The following PID1 variants were observed in gnomAD, a reference collection of about 807,000 sequenced individuals.
PID1 encodes the protein PTB-containing, cubilin and LRP1-interacting protein.
PID1 carries 10 observed loss-of-function variants against 19.1 expected under a neutral mutation model. The observed-to-expected ratio is 0.52, with a 90% CI of 0.32 to 0.89. PID1 has a LOEUF of 0.89. Among genes scored for constraint, PID1 ranks in the 40% least tolerant of loss-of-function variants. PID1 has a pLI of 0.03. For synonymous variants in PID1, 130 were observed against 116.0 expected (o/e 1.12, Z -0.78); for missense variants, 248 against 285.3 (o/e 0.87, Z 0.94).
At chr2:229,234,693 G>C (rs917981637) in intron 1 of PID1, among the ~76,000 whole-genome samples, 1 of 152,134 alleles carries the variant, frequency 6.6e-6, no homozygotes, top group Non-Finnish European at 1.5e-5. Context: ...ATTAGGGTGA[G>C]AATGGGGGGC....
chr2:229,029,829 C>T (rs1305804589), intron 2 of PID1, among the ~76,000 whole-genome samples: 1 of 132,996 alleles, frequency 7.5e-6, no homozygotes, highest in Non-Finnish European at 1.6e-5. Context: ...GACAGAGTGA[C>T]ACTCCGTCTC....
chr2:229,232,837 GTA>G (rs1692244635), intron 1 of PID1, among the ~76,000 whole-genome samples: 2 of 149,038 alleles, frequency 1.3e-5, no homozygotes, highest in African/African-American at 4.9e-5. Context: ...ACATGCATGT[GTA>G]TGTGTGTGTG....
At chr2:229,177,300 C>T (rs923819747) in intron 1 of PID1, among the ~76,000 whole-genome samples, 2 of 151,956 alleles carry the variant, frequency 1.3e-5, no homozygotes, top group African/African-American at 2.4e-5. Context: ...TAGATGGGGA[C>T]GATTATATAT....
chr2:229,113,391 T>A (rs1695337237), intron 2 of PID1, among the ~76,000 whole-genome samples: 1 of 143,478 alleles, frequency 7.0e-6, no homozygotes, highest in African/African-American at 2.7e-5. Flanking sequence ...ATTTTTTATA[T>A]ATATTTATAT....
intron 1 of PID1, among the ~76,000 whole-genome samples, chr2:229,197,837 T>A (rs1691409953): frequency 6.6e-6 from 1 of 152,060 alleles, no homozygotes. Context: ...TATTGGGTCA[T>A]CATAATTTTC....
At chr2:229,053,838 C>T (rs577192093) in intron 2 of PID1, among the ~76,000 whole-genome samples, 232 of 152,258 alleles carry the variant, frequency 1.5e-3, no homozygotes, top group Admixed American at 2.2e-3. Context: ...AGGGAGAGCC[C>T]AATCAGTCAA....
chr2:229,121,725 T>C (rs1341136075), intron 2 of PID1, among the ~76,000 whole-genome samples: 1 of 152,164 alleles, frequency 6.6e-6, no homozygotes, highest in Non-Finnish European at 1.5e-5. Context: ...GAGGTATTTG[T>C]TTATTCATTC....
intron 1 of PID1, among the ~76,000 whole-genome samples, chr2:229,237,940 CT>C (rs993160916): frequency 6.6e-6 from 1 of 152,118 alleles, no homozygotes; most frequent in Non-Finnish European, 1.5e-5. Flanking sequence ...TAATGTTCTT[CT>C]TTTACTCTCC....
At chr2:229,099,016 G>A (rs564551383) in intron 2 of PID1, among the ~76,000 whole-genome samples, 1 of 152,088 alleles carries the variant, frequency 6.6e-6, no homozygotes, top group East Asian at 1.9e-4. Context: ...AGAGGATCAC[G>A]CCTGGCCAAG....
intron 1 of PID1, among the ~76,000 whole-genome samples, chr2:229,258,589 A>G (rs1363275686): frequency 6.6e-6 from 1 of 152,068 alleles, no homozygotes; most frequent in Admixed American, 6.5e-5. Flanking sequence ...TTGACAGATA[A>G]TAAGCTGCAC....
At chr2:229,045,130 T>C (rs570965435) in intron 2 of PID1, among the ~76,000 whole-genome samples, 45 of 152,206 alleles carry the variant, frequency 3.0e-4, no homozygotes, top group African/African-American at 1.0e-3. Context: ...ATTTTTGTAT[T>C]TTTAGTAGAG....
chr2:229,243,557 G>C (rs1689928615), intron 1 of PID1, among the ~76,000 whole-genome samples: 1 of 152,050 alleles, frequency 6.6e-6, no homozygotes, highest in African/African-American at 2.4e-5. Context: ...CTCAGAGTAG[G>C]TGCTCAAGAA....
chr2:229,167,983 A>G (rs1253052904), intron 1 of PID1, among the ~76,000 whole-genome samples: 7 of 152,190 alleles, frequency 4.6e-5, no homozygotes, highest in Non-Finnish European at 1.5e-5. Context: ...TGCAGCTACT[A>G]TTCCAGTGTA....
At chr2:229,213,256 G>A (rs1259903628) in intron 1 of PID1, among the ~76,000 whole-genome samples, 2 of 152,088 alleles carry the variant, frequency 1.3e-5, no homozygotes, top group East Asian at 3.9e-4. Context: ...GCAGAGCATA[G>A]GGCCCAGCAC....
intron 1 of PID1, among the ~76,000 whole-genome samples, chr2:229,159,616 T>C (rs905877068): frequency 1.3e-5 from 2 of 152,130 alleles, no homozygotes; most frequent in Non-Finnish European, 2.9e-5. Context: ...ATTCCTTGAA[T>C]AAACCTCTAA....
intron 1 of PID1, among the ~76,000 whole-genome samples, chr2:229,216,117 G>A (rs576162605): frequency 5.3e-5 from 8 of 152,280 alleles, no homozygotes; most frequent in Non-Finnish European, 1.0e-4. Context: ...AAGGGCTCTC[G>A]GAAGGTGAAG....
chr2:229,150,246 G>C (rs1690223050), intron 2 of PID1, among the ~76,000 whole-genome samples: 1 of 146,902 alleles, frequency 6.8e-6, no homozygotes, highest in Non-Finnish European at 1.5e-5. Context: ...AAAAAAAAAG[G>C]AGAGAGAGAG....
At chr2:229,262,902 G>C (rs1449890049) in intron 1 of PID1, 1 of 1,496,400 alleles carries the variant, frequency 6.7e-7, no homozygotes, top group Non-Finnish European at 8.9e-7. Context: ...TCCTTATAAG[G>C]ACATTAGTCA....
chr2:229,102,843 G>A (rs966834412), intron 2 of PID1, among the ~76,000 whole-genome samples: 74 of 152,166 alleles, frequency 4.9e-4, no homozygotes, highest in Non-Finnish European at 3.4e-4. Context: ...CCTGCCATGC[G>A]GCTCATCACC....
Sources: allele counts gnomAD v4.1 joint callset (sites outside exome capture counted in the v4.1 genomes callset), GRCh38; gene constraint gnomAD v4.1.1; transcripts MANE v1.5; gene names NCBI Gene and HGNC (gene_info 2026-07-23, HGNC 2026-07-21).